AGBL4: variants seen among roughly 807,000 people sequenced by gnomAD.
AGBL4 encodes the protein cytosolic carboxypeptidase 6.
A neutral mutation model predicts 66.4 loss-of-function variants in AGBL4; 58 were observed. The observed-to-expected ratio is 0.87, with a 90% CI of 0.71 to 1.09. The LOEUF (loss-of-function observed/expected upper bound fraction) is 1.09. AGBL4 is among the 50% of genes least tolerant of loss of function. The pLI is 0.00. For synonymous variants in AGBL4, 234 were observed against 222.9 expected (o/e 1.05, Z -0.44); for missense variants, 579 against 631.0 (o/e 0.92, Z 0.88).
At chr1:48,827,981 G>A (rs1202420222) in intron 6 of AGBL4, among the ~76,000 whole-genome samples, 3 of 135,434 alleles carry the variant, frequency 2.2e-5, no homozygotes, top group Admixed American at 7.9e-5. Flanking sequence ...GTGAGACCCC[G>A]TCTCTACTAA....
At position 49,391,772 on chromosome 1, in the gene AGBL4, A is replaced by G. The variant is rs188618189; in HGVS notation, c.283-145908T>C. On this transcript the variant is annotated intron_variant, in intron 3 of 13. Coordinates refer to ENST00000371839, the MANE Select transcript of AGBL4 (RefSeq NM_032785.4). Reference sequence around the variant, plus strand: ...GAGATGGGGTTTCACTGTGTTAGCCAGGATGGTCTTGATCTCCTGACCTCG... The same window carrying G: ...GAGATGGGGTTTCACTGTGTTAGCCGGGATGGTCTTGATCTCCTGACCTCG... 1.4e-4 allele frequency among the ~76,000 whole-genome samples: 21 copies of G among 152,136 alleles called. No homozygotes were observed. In the East Asian group the frequency reaches 1.9e-3, roughly 14 times the overall value.
chr1:48,765,159 C>T (rs1281758061), intron 6 of AGBL4, among the ~76,000 whole-genome samples: 2 of 152,202 alleles, frequency 1.3e-5, no homozygotes, highest in Non-Finnish European at 2.9e-5. Flanking sequence ...TTACTATTTG[C>T]AATTATCTGC....
At chr1:49,198,178 C>T (rs1289406097) in intron 4 of AGBL4, among the ~76,000 whole-genome samples, 6 of 152,046 alleles carry the variant, frequency 3.9e-5, no homozygotes, top group Non-Finnish European at 5.9e-5. Context: ...CTCCCTCTCT[C>T]GTATTGGGGC....
intron 4 of AGBL4, among the ~76,000 whole-genome samples, chr1:49,185,564 TACCA>T (rs1647001237): frequency 6.6e-6 from 1 of 152,206 alleles, no homozygotes; most frequent in Non-Finnish European, 1.5e-5. Flanking sequence ...CTCTTAGTTA[TACCA>T]ATCAACACTT....
At chr1:48,591,099 CA>C (rs377525632) in intron 9 of AGBL4, 114 bp from the exon 10 acceptor site, 2,371 of 701,304 alleles carry the variant, frequency 3.4e-3, no homozygotes, top group Middle Eastern at 6.2e-3. Context: ...CACCCCCCCC[CA>C]CACACACACA....
intron 3 of AGBL4, among the ~76,000 whole-genome samples, chr1:49,369,729 T>C (rs1406153677): frequency 6.6e-6 from 1 of 152,060 alleles, no homozygotes; most frequent in Admixed American, 6.6e-5. Flanking sequence ...AAAAAAACAC[T>C]GGAAAGGAGT....
intron 3 of AGBL4, among the ~76,000 whole-genome samples, chr1:49,695,143 G>A (rs542321785): frequency 6.6e-6 from 1 of 152,068 alleles, no homozygotes; most frequent in African/African-American, 2.4e-5. Flanking sequence ...AAAAAAAAGA[G>A]GAAAAGAATA....
intron 6 of AGBL4, among the ~76,000 whole-genome samples, chr1:48,683,139 GGAT>G (rs2148482151): frequency 6.6e-6 from 1 of 152,304 alleles, no homozygotes; most frequent in East Asian, 1.9e-4. Context: ...TACAAAACAG[GGAT>G]GATGACAGCT....
intron 3 of AGBL4, among the ~76,000 whole-genome samples, chr1:49,407,497 C>G (rs1383056848): frequency 1.3e-5 from 2 of 152,178 alleles, no homozygotes; most frequent in Admixed American, 1.3e-4. Context: ...TAATAAATCT[C>G]TTTCTATATA....
At chr1:50,022,368 T>C (rs1176514678) in intron 1 of AGBL4, among the ~76,000 whole-genome samples, 2 of 152,194 alleles carry the variant, frequency 1.3e-5, no homozygotes, top group South Asian at 2.1e-4. Flanking sequence ...GCCTAACTTA[T>C]TGCCAGGCAT....
chr1:49,567,129 C>T (rs1358511085), intron 3 of AGBL4, among the ~76,000 whole-genome samples: 1 of 152,206 alleles, frequency 6.6e-6, no homozygotes, highest in Non-Finnish European at 1.5e-5. Flanking sequence ...CCTAGTGTGC[C>T]GTTTGTTAAG....
chr1:48,819,973 C>T (rs1308287642), intron 6 of AGBL4, among the ~76,000 whole-genome samples: 1 of 152,170 alleles, frequency 6.6e-6, no homozygotes, highest in Admixed American at 6.5e-5. Context: ...CCTCATGTAG[C>T]CACACAAAGC....
intron 3 of AGBL4, among the ~76,000 whole-genome samples, chr1:49,580,859 T>C (rs757080869): frequency 6.6e-6 from 1 of 152,186 alleles, no homozygotes; most frequent in Non-Finnish European, 1.5e-5. Flanking sequence ...CTTTTTGCCC[T>C]GTGTTTCCCT....
chr1:49,256,650 TA>T (rs1652530917), intron 3 of AGBL4, among the ~76,000 whole-genome samples: 1 of 152,350 alleles, frequency 6.6e-6, no homozygotes, highest in South Asian at 2.1e-4. Context: ...TTTATGCATG[TA>T]AAAGTTGATA....
chr1:49,110,119 T>C (rs1645376657), intron 4 of AGBL4, among the ~76,000 whole-genome samples: 1 of 152,210 alleles, frequency 6.6e-6, no homozygotes, highest in African/African-American at 2.4e-5. Context: ...ATCTTATTAC[T>C]TGATAGCCAT....
intron 6 of AGBL4, among the ~76,000 whole-genome samples, chr1:48,741,598 G>A (rs910978977): frequency 5.9e-5 from 9 of 152,200 alleles, no homozygotes; most frequent in African/African-American, 9.7e-5. Flanking sequence ...AAACTAATAC[G>A]TTTCATTTCC....
Position 48,934,923 on chromosome 1 carries a change from C to G in AGBL4, c.595-67693G>C, listed in dbSNP as rs74597679. Among the ~76,000 whole-genome samples, 286 of 152,304 alleles carry G rather than the reference C, an allele frequency of 1.9e-3. 2 individuals are homozygous for G. The highest frequency in any genetic ancestry group is 6.7e-3 in the African/African-American group (280 of 41,580). ...TTTGTATGATCATGCTTTTGGTGTACTTACCTAACTCAATGAGCCCTGTAC... is the reference window on the plus strand; with the variant it reads ...TTTGTATGATCATGCTTTTGGTGTAGTTACCTAACTCAATGAGCCCTGTAC... On this transcript the variant is annotated intron_variant, in intron 5 of 13. Coordinates refer to ENST00000371839, the MANE Select transcript of AGBL4 (RefSeq NM_032785.4).
intron 2 of AGBL4, among the ~76,000 whole-genome samples, chr1:49,803,634 C>G (rs1381519014): frequency 6.6e-6 from 1 of 152,118 alleles, no homozygotes; most frequent in Non-Finnish European, 1.5e-5. Context: ...TTCTCATATC[C>G]AAACTGGAGG....
chr1:48,571,381 T>C (rs1539529), intron 11 of AGBL4, among the ~76,000 whole-genome samples: 32,097 of 152,248 alleles, frequency 0.21, 4,145 homozygotes, highest in Middle Eastern at 0.36. Context: ...AAAGATGTGA[T>C]AGTCTCAGAG....
Sources: gnomAD v4.1 joint callset for allele counts (sites outside exome capture counted in the v4.1 genomes callset) on GRCh38, gnomAD v4.1.1 for gene constraint, MANE v1.5 for transcripts, NCBI Gene and HGNC (gene_info 2026-07-23, HGNC 2026-07-21) for gene names.